Variants in SERAC1 observed in about 807,000 individuals in gnomAD.
The protein encoded by SERAC1 is protein SERAC1.
Under a neutral mutation model 85.7 loss-of-function variants are expected in SERAC1, and 36 were observed. The ratio of observed to expected loss-of-function variants is 0.42; its 90% CI spans 0.32 to 0.55. The LOEUF is 0.55. Ranked by LOEUF, SERAC1 falls within the 20% of genes least tolerant of loss-of-function variation. The pLI, the probability that SERAC1 is intolerant of heterozygous loss-of-function variation, is 0.11. For synonymous variants in SERAC1, 242 were observed against 265.3 expected, an observed-to-expected ratio of 0.91 and a Z score of 0.85; for missense variants, 629 against 796.2, an observed-to-expected ratio of 0.79 and a Z score of 2.53.
At chr6:158,124,741 G>A (rs181390277) in intron 10 of SERAC1, among the ~76,000 whole-genome samples, 54 of 134,402 alleles carry the variant, frequency 4.0e-4, no homozygotes, top group African/African-American at 1.3e-3. Flanking sequence ...TTTTAGAAAT[G>A]CTGGAAAACA....
chr6:158,155,035 G>A (rs561200344), intron 3 of SERAC1, among the ~76,000 whole-genome samples: 3 of 152,296 alleles, frequency 2.0e-5, no homozygotes, highest in African/African-American at 7.2e-5. Context: ...AGAGCTAAGT[G>A]AGTGCCTGAT....
In SERAC1 at chr6:158,119,185, A is replaced by G. The variant is rs1369165407; in HGVS notation, c.1167-15T>C. 3.1e-6 allele frequency: 5 copies of G among 1,597,652 alleles called. No individual in the cohort carries two copies. Among genetic ancestry groups the G allele is most frequent in the Non-Finnish European group, 4.3e-6 (5 of 1,170,724 alleles). ...TAATGGGCTGACTAATAGGGGAGAG[A>G]GTTTTAAAAAGAAGCAGAATAAATG... On this transcript the variant is annotated splice_polypyrimidine_tract_variant and intron_variant, in intron 11 of 16. Transcript: ENST00000647468. This position sits in a 1 kb window ranked among gnomAD's most constrained non-coding sequence, Gnocchi z 4.5.
intron 8 of SERAC1, among the ~76,000 whole-genome samples, chr6:158,133,471 C>T (rs1385169465): frequency 1.3e-5 from 2 of 149,986 alleles, no homozygotes; most frequent in Non-Finnish European, 1.5e-5. Flanking sequence ...CTGCAAGCTC[C>T]GCCTCCCGGG....
chr6:158,163,892 A>G (rs974327850), intron 1 of SERAC1, among the ~76,000 whole-genome samples: 2 of 151,804 alleles, frequency 1.3e-5, no homozygotes, highest in Non-Finnish European at 2.9e-5. Context: ...GCCCACCACC[A>G]TACCTGGCTA....
intron 8 of SERAC1, among the ~76,000 whole-genome samples, chr6:158,136,869 C>T (rs981561834): frequency 6.6e-6 from 1 of 152,138 alleles, no homozygotes; most frequent in African/African-American, 2.4e-5. Flanking sequence ...ATAAGAATAA[C>T]TAAAAGGCAG....
chr6:158,113,632 A>T lies in SERAC1; in HGVS notation c.1685-40T>A, dbSNP rs1784200927. 5.2e-6 allele frequency: 8 copies of T among 1,532,452 alleles called. No individual in the cohort carries two copies. The East Asian group carries it at 1.8e-4, about 35-fold the overall frequency. The allele number at this position is 1,532,452 out of a possible 1,614,324, so 94.9% of individuals were successfully genotyped here. A position where few individuals can be genotyped will look rare whatever the true frequency, so the allele number is the denominator to read the frequency against. On this transcript the variant is annotated intron_variant, in intron 15 of 16. Coordinates refer to ENST00000647468, the MANE Select transcript of SERAC1 (RefSeq NM_032861.4). Reference sequence around the variant, plus strand: ...AGAACAAGACTGTGACAAGTTGTTTACCCAATTCATAATAAAATGCATTAA... The same window carrying T: ...AGAACAAGACTGTGACAAGTTGTTTTCCCAATTCATAATAAAATGCATTAA...
chr6:158,155,308 G>T lies in SERAC1; in HGVS notation c.128+7C>A. 6.5e-7 allele frequency: 1 copy of T among 1,539,150 alleles called. No individual in the cohort carries two copies. ...AGCCAATTAATATTCCACAGTTGAC[G>T]ACTTACCCTAAAATAAGTGATCCAG... On this transcript the variant is annotated splice_region_variant and intron_variant, in intron 3 of 16. Coordinates refer to ENST00000647468, the MANE Select transcript of SERAC1 (RefSeq NM_032861.4).
chr6:158,147,768 CAAAAAAAAA>C (rs71027383), intron 5 of SERAC1, among the ~76,000 whole-genome samples: 6 of 68,934 alleles, frequency 8.7e-5, no homozygotes, highest in African/African-American at 4.2e-4. Flanking sequence ...GGCTCTGTCT[CAAAAAAAAA>C]AAAAAAAAAA....
chr6:158,148,919 C>T lies in SERAC1; in HGVS notation c.301G>A (p.Ala101Thr), dbSNP rs372028482. The T allele has an allele frequency of 1.2e-5, 19 of 1,612,210 alleles. No homozygotes were observed. In the African/African-American group the frequency reaches 2.3e-4, roughly 19 times the overall value. ...AWQARKELHK[A>T]VRKVLATSAK... ...GATGTTGCCAATACTTTTCTTACTG[C>T]TTTGTGAAGTTCTTTTCTTGCCTGC... Residue 101 changes from alanine (A) to threonine (T), a missense_variant, in exon 5 of 17, where the codon GCA becomes ACA. Coordinates refer to ENST00000647468, the MANE Select transcript of SERAC1 (RefSeq NM_032861.4).
rs377307138 is a variant in SERAC1 at position 158,155,340 on chromosome 6, T to A, written c.103A>T (p.Lys35Ter). The change falls in exon 3 of 17, where the codon AAG becomes TAG. Residue 35 changes from lysine to a stop codon, truncating the protein, a stop_gained. Transcript: ENST00000647468. LOFTEE classifies it high-confidence loss of function. Reference protein sequence around the residue: ...THWRDIRNIIKFTGSLILGGS... With the variant: ...THWRDIRNII Reference sequence around the variant, plus strand: ...CCTAAAATAAGTGATCCAGTAAACTTTATTATATTTCCTTCAAAAGAAAAA... The same window carrying A: ...CCTAAAATAAGTGATCCAGTAAACTATATTATATTTCCTTCAAAAGAAAAA... The A allele has an allele frequency of 6.4e-7, 1 of 1,552,594 alleles. No individual in the cohort carries two copies. Among genetic ancestry groups the A allele is most frequent in the African/African-American group, 1.4e-5 (1 of 73,590 alleles).
intron 8 of SERAC1, 40 bp downstream of exon 8, chr6:158,143,016 G>C (rs1784953909): frequency 6.6e-7 from 1 of 1,519,586 alleles, no homozygotes; most frequent in African/African-American, 1.4e-5. Context: ...GGAAAGGGTG[G>C]ACACTCAAAA....
chr6:158,116,107 T>C, intron 14 of SERAC1, 78 bp downstream of exon 14: 1 of 1,176,976 alleles, frequency 8.5e-7, no homozygotes, highest in Non-Finnish European at 1.3e-6. Flanking sequence ...AATGGAAAGA[T>C]AAAATAACTT....
At chr6:158,114,702 A>AATACATTCAAGGAATATAAAATGAGATC in intron 15 of SERAC1, 87 bp downstream of exon 15, 1 of 1,591,366 alleles carries the variant, frequency 6.3e-7, no homozygotes, top group Non-Finnish European at 8.6e-7. Flanking sequence ...AAAATGAGAT[A>AATACATTCAAGGAATATAAAATGAGATC]ATACATTCAA....
rs903699437 is a variant in SERAC1, at chr6:158,164,025, G to A, written c.-2+4115C>T. On this transcript the variant is annotated intron_variant, in intron 1 of 16. Coordinates refer to ENST00000647468, the MANE Select transcript of SERAC1 (RefSeq NM_032861.4). ...GCTGGGATTACAGGTGTGAGCCACC[G>A]CACCAGGCAGATTACTGTAGTTTTT... Among the ~76,000 whole-genome samples the A allele has an allele frequency of 1.8e-4, 27 of 151,818 alleles. No individual in the cohort carries two copies. In the East Asian group the frequency reaches 3.7e-3, roughly 21 times the overall value.
chr6:158,156,454 T>G (rs1415361236), intron 2 of SERAC1, among the ~76,000 whole-genome samples: 1 of 151,990 alleles, frequency 6.6e-6, no homozygotes, highest in Non-Finnish European at 1.5e-5. Flanking sequence ...AGCCTCAAAA[T>G]GGCTTTTGGC....
chr6:158,142,923 C>A, intron 8 of SERAC1, 133 bp downstream of exon 8: 1 of 671,822 alleles, frequency 1.5e-6, no homozygotes, highest in Non-Finnish European at 2.6e-6. Flanking sequence ...TCCCTGACAT[C>A]CAGCCCAGGG....
chr6:158,144,093 A>C (rs912590702), intron 7 of SERAC1, among the ~76,000 whole-genome samples: 12 of 152,204 alleles, frequency 7.9e-5, no homozygotes, highest in East Asian at 7.7e-4. Context: ...AAATTCCCAA[A>C]GGCAGAAAAT....
chr6:158,128,483 C>G (rs546059701), intron 9 of SERAC1, among the ~76,000 whole-genome samples: 4 of 152,312 alleles, frequency 2.6e-5, no homozygotes, highest in African/African-American at 7.2e-5. Flanking sequence ...CCCAAGAAGG[C>G]ATCTCTCACC....
intron 8 of SERAC1, among the ~76,000 whole-genome samples, chr6:158,138,317 C>A (rs1379384908): frequency 6.6e-6 from 1 of 151,944 alleles, no homozygotes; most frequent in Non-Finnish European, 1.5e-5. Flanking sequence ...TGCCTGTAGT[C>A]CCAGCTAGTC....
Sources: allele counts gnomAD v4.1 joint callset (sites outside exome capture counted in the v4.1 genomes callset), GRCh38; gene constraint gnomAD v4.1.1; non-coding constraint Gnocchi (gnomAD v3.1); transcripts MANE v1.5; gene names NCBI Gene and HGNC (gene_info 2026-07-23, HGNC 2026-07-21).